The following MIGA1 variants were observed in gnomAD, a reference collection of about 807,000 sequenced individuals.
MIGA1 encodes mitoguardin 1.
Under a neutral mutation model 82.0 loss-of-function variants are expected in MIGA1, and 58 were observed. The ratio of observed to expected loss-of-function variants is 0.71; its 90% CI spans 0.57 to 0.88. The LOEUF (loss-of-function observed/expected upper bound fraction) is 0.88, where lower values mean the gene tolerates loss of function less well. MIGA1 is among the 40% of genes least tolerant of loss of function. The pLI is 0.00. For synonymous variants in MIGA1, 249 were observed against 253.6 expected (o/e 0.98, Z 0.17); for missense variants, 751 against 749.1 (o/e 1.00, Z -0.03).
At chr1:77,831,700 A>G (rs916572883) in intron 7 of MIGA1, among the ~76,000 whole-genome samples, 1 of 152,134 alleles carries the variant, frequency 6.6e-6, no homozygotes, top group African/African-American at 2.4e-5. Flanking sequence ...TTGGAAGTTT[A>G]TTTTTGTAAC....
At chr1:77,833,627 A>G (rs765130370) in intron 7 of MIGA1, among the ~76,000 whole-genome samples, 6 of 152,180 alleles carry the variant, frequency 3.9e-5, no homozygotes, top group African/African-American at 1.4e-4. Context: ...TGCCAAGAAG[A>G]AGGTCCACTT....
chr1:77,807,090 T>A lies in MIGA1; in HGVS notation c.626T>A (p.Leu209Ter). The stretch of plus-strand genomic sequence containing the variant: ...ATTCCTGTGACTACTCCAGAGAACT[T>A]ATACTTAATGGGTAGGAATGAGATG... The change falls in exon 5 of 16, where the codon TTA becomes TAA. Residue 209 changes from leucine (L) to a stop codon, truncating the protein, a stop_gained. Transcript: ENST00000370791. LOFTEE classifies it high-confidence loss of function. 6.3e-7 allele frequency: 1 copy of A among 1,586,004 alleles called. No individual in the cohort carries two copies.
At chr1:77,870,081 G>A (rs61778864) in intron 14 of MIGA1, among the ~76,000 whole-genome samples, 11 of 109,928 alleles carry the variant, frequency 1.0e-4, no homozygotes, top group Admixed American at 1.6e-4. Flanking sequence ...GCGGCTGGCC[G>A]GGCGGGGGGC....
intron 8 of MIGA1, among the ~76,000 whole-genome samples, chr1:77,844,140 A>T (rs1455036881): frequency 1.2e-5 from 1 of 83,406 alleles, no homozygotes; most frequent in Non-Finnish European, 2.6e-5. Flanking sequence ...ATATATATAG[A>T]TAGATAGATA....
At chr1:77,847,485 C>G in intron 8 of MIGA1, 1 of 1,417,186 alleles carries the variant, frequency 7.1e-7, no homozygotes, top group Non-Finnish European at 1.0e-6. Flanking sequence ...AAAGAAAATA[C>G]AGAGAGAACG....
intron 5 of MIGA1, chr1:77,811,852 C>G (rs952909921): frequency 2.7e-6 from 4 of 1,466,744 alleles, no homozygotes; most frequent in Non-Finnish European, 3.6e-6. Flanking sequence ...CATCCTCCCC[C>G]GGCCTGGCCC....
At chr1:77,827,994 G>A (rs1295847017) in intron 7 of MIGA1, among the ~76,000 whole-genome samples, 1 of 152,062 alleles carries the variant, frequency 6.6e-6, no homozygotes, top group Non-Finnish European at 1.5e-5. Flanking sequence ...GGAGGAGGAG[G>A]CTGCAGTGAA....
rs920330769 is a variant in MIGA1, at chr1:77,875,567, T to C, written c.*503T>C. 4.5e-5 allele frequency: 7 copies of C among 157,164 alleles called. No individual in the cohort carries two copies. The highest frequency in any genetic ancestry group is 1.4e-4 in the African/African-American group (6 of 41,484). 9.7% of individuals were successfully genotyped at this position (157,164 alleles called of 1,614,324 possible). On this transcript the variant is annotated 3_prime_UTR_variant, in exon 16 of 16. Coordinates refer to ENST00000370791, the MANE Select transcript of MIGA1 (RefSeq NM_198549.4). ...AAGTTTAGGCAGTAATGATGTTTAATATGTACTGCATACATTATTGCTTGT... is the reference window on the plus strand; with the variant it reads ...AAGTTTAGGCAGTAATGATGTTTAACATGTACTGCATACATTATTGCTTGT...
At chr1:77,844,624 C>T (rs1684768772) in intron 8 of MIGA1, among the ~76,000 whole-genome samples, 1 of 152,088 alleles carries the variant, frequency 6.6e-6, no homozygotes, top group Admixed American at 6.6e-5. Flanking sequence ...AGAATATTTG[C>T]ATTTTTTACA....
chr1:77,867,832 G>T (rs1284769464), intron 14 of MIGA1, among the ~76,000 whole-genome samples: 1 of 152,190 alleles, frequency 6.6e-6, no homozygotes, highest in East Asian at 1.9e-4. Flanking sequence ...AGCATCTTTA[G>T]AATGTGCTGG....
chr1:77,779,869 T>C, intron 1 of MIGA1, 133 bp downstream of exon 1: 1 of 1,426,840 alleles, frequency 7.0e-7, no homozygotes. Flanking sequence ...GCTCTCGGAG[T>C]GCCAGGTGGA....
At chr1:77,873,512 G>T (rs570769328) in intron 15 of MIGA1, among the ~76,000 whole-genome samples, 233 of 152,302 alleles carry the variant, frequency 1.5e-3, no homozygotes, top group Non-Finnish European at 2.3e-3. Flanking sequence ...TATTGCACAT[G>T]TGGTAATATA....
In MIGA1 at chr1:77,873,066, C is replaced by T; in HGVS notation, c.1626C>T (p.Ala542=). ...GTGAACACATCAGTCCTGTCCTAGCCTGGGGCTTTTTGGGTCCTAGAAATT... is the reference window on the plus strand; with the variant it reads ...GTGAACACATCAGTCCTGTCCTAGCTTGGGGCTTTTTGGGTCCTAGAAATT... Residue 542 remains alanine (A), a synonymous_variant, in exon 15 of 16, where the codon GCC becomes GCT. Transcript: ENST00000370791. The T allele has an allele frequency of 6.2e-7, 1 of 1,613,898 alleles. No homozygotes were observed. The highest frequency in any genetic ancestry group is 1.1e-5 in the South Asian group (1 of 91,086).
intron 7 of MIGA1, among the ~76,000 whole-genome samples, chr1:77,836,148 C>A (rs1684416297): frequency 6.6e-6 from 1 of 151,422 alleles, no homozygotes; most frequent in Non-Finnish European, 1.5e-5. Context: ...GTTATGTGTT[C>A]AATAATCTCC....
chr1:77,783,425 A>C, intron 2 of MIGA1, 74 bp downstream of exon 2: 1 of 871,884 alleles, frequency 1.1e-6, no homozygotes, highest in Non-Finnish European at 1.7e-6. Flanking sequence ...ACATTATTTC[A>C]GTTTTATTTG....
At chr1:77,779,940 TCTCAGAAGCTAAGCA>T in intron 1 of MIGA1, 1 of 1,370,828 alleles carries the variant, frequency 7.3e-7, no homozygotes, top group Non-Finnish European at 9.4e-7. Context: ...CCTCGTCTCA[TCTCAGAAGCTAAGCA>T]GGGTCGGGCC....
At chr1:77,811,913 C>A in intron 5 of MIGA1, 1 of 1,424,524 alleles carries the variant, frequency 7.0e-7, no homozygotes, top group Non-Finnish European at 9.2e-7. Context: ...CGCCACCTGC[C>A]GAGGAGCCGC....
At chr1:77,836,016 A>G (rs1684411385) in intron 7 of MIGA1, among the ~76,000 whole-genome samples, 1 of 152,206 alleles carries the variant, frequency 6.6e-6, no homozygotes, top group Non-Finnish European at 1.5e-5. Flanking sequence ...AAACAAGTTA[A>G]AGTCATAGGC....
At position 77,876,302 on chromosome 1, in the gene MIGA1, T is replaced by C. The variant is rs1230089339; in HGVS notation, c.*1238T>C. On this transcript the variant is annotated 3_prime_UTR_variant, in exon 16 of 16. Transcript: ENST00000370791. ...TCCAGCCTGGGCGACAGCAAGACCC[T>C]ATCTCAGAAGTGAATAAATAAAACA... is the stretch of plus-strand genomic sequence containing the variant. 1 of 152,214 alleles carries C rather than the reference T, an allele frequency of 6.6e-6. No individual in the cohort carries two copies. The highest frequency in any genetic ancestry group is 2.4e-5 in the African/African-American group (1 of 41,448). The allele number at this position is 152,214 out of a possible 1,614,324, so 9.4% of individuals were successfully genotyped here. A position where few individuals can be genotyped will look rare whatever the true frequency, so the allele number is the denominator to read the frequency against.
Sources: allele counts gnomAD v4.1 joint callset (sites outside exome capture counted in the v4.1 genomes callset), GRCh38; gene constraint gnomAD v4.1.1; transcripts MANE v1.5; gene names NCBI Gene and HGNC (gene_info 2026-07-23, HGNC 2026-07-21).